GNPNAT1: variants seen among roughly 807,000 people sequenced by gnomAD.
GNPNAT1 encodes the protein glucosamine-phosphate N-acetyltransferase 1.
GNPNAT1 carries 11 observed loss-of-function variants against 19.8 expected under a neutral mutation model. The observed-to-expected ratio is 0.56, with a 90% CI of 0.35 to 0.92. The LOEUF is 0.92. GNPNAT1 is among the 40% of genes least tolerant of loss of function. The pLI, the probability that GNPNAT1 is intolerant of heterozygous loss-of-function variation, is 0.01. For missense variants in GNPNAT1, 157 were observed against 211.0 expected (o/e 0.74, Z 1.59); for synonymous variants, 71 against 72.3 (o/e 0.98, Z 0.09).
Position 52,776,700 on chromosome 14 carries a change from C to T in GNPNAT1, c.*1611G>A, listed in dbSNP as rs147604994. 2.7e-4 allele frequency: 41 copies of T among 152,272 alleles called. No individual in the cohort carries two copies. Among genetic ancestry groups the T allele is most frequent in the Middle Eastern group, 3.4e-3 (1 of 294 alleles). 9.4% of individuals were successfully genotyped at this position (152,272 alleles called of 1,614,324 possible). A position where few individuals can be genotyped will look rare whatever the true frequency, so the allele number is the denominator to read the frequency against. ...CTTCCTGAGTAGCTGGGATTACAGG[C>T]GCATGCCACCACGTCTGGCTAATTT... On this transcript the variant is annotated 3_prime_UTR_variant, in exon 6 of 6. Coordinates refer to ENST00000216410, the MANE Select transcript of GNPNAT1 (RefSeq NM_198066.4).
At chr14:52,780,332 A>C (rs1385125488) in intron 5 of GNPNAT1, among the ~76,000 whole-genome samples, 1 of 152,184 alleles carries the variant, frequency 6.6e-6, no homozygotes, top group African/African-American at 2.4e-5. Context: ...AGATCACAGA[A>C]TATTCTGTAA....
rs1490132157 is a variant in GNPNAT1, at chr14:52,777,650, C to T, written c.*661G>A. ...GAATAGTCATAATTCACAGAAAAGACAAGTGGTACTTTTTATCTACATAGA... is the reference window on the plus strand; with the variant it reads ...GAATAGTCATAATTCACAGAAAAGATAAGTGGTACTTTTTATCTACATAGA... On this transcript the variant is annotated 3_prime_UTR_variant, in exon 6 of 6. Coordinates refer to ENST00000216410, the MANE Select transcript of GNPNAT1 (RefSeq NM_198066.4). 2 of 152,270 alleles carry T rather than the reference C, an allele frequency of 1.3e-5. No individual in the cohort carries two copies. The highest frequency in any genetic ancestry group is 2.9e-5 in the Non-Finnish European group (2 of 67,994). The allele number at this position is 152,270 out of a possible 1,614,324, so 9.4% of individuals were successfully genotyped here. A position where few individuals can be genotyped will look rare whatever the true frequency, so the allele number is the denominator to read the frequency against.
At chr14:52,788,092 G>A (rs1259375785) in intron 1 of GNPNAT1, among the ~76,000 whole-genome samples, 1 of 152,092 alleles carries the variant, frequency 6.6e-6, no homozygotes, top group Non-Finnish European at 1.5e-5. Flanking sequence ...AATTTAACAA[G>A]TTTAATAGCC....
chr14:52,784,566 C>A lies in GNPNAT1; in HGVS notation c.85G>T (p.Ala29Ser). 1 of 1,610,050 alleles carries A rather than the reference C, an allele frequency of 6.2e-7. No individual in the cohort carries two copies. The highest frequency in any genetic ancestry group is 8.5e-7 in the Non-Finnish European group (1 of 1,178,238). ...WSQNTATFSP[A>S]ISPTHPGEGL... ...TCTCCAGGATGTGTTGGGGAAATGG[C>A]TGGAGAAAATGTAGCTGTATTCTGA... The change falls in exon 2 of 6, where the codon GCC becomes TCC. Residue 29 changes from alanine (A) to serine (S), a missense_variant. Transcript: ENST00000216410.
At chr14:52,785,116 C>T (rs1460354098) in intron 1 of GNPNAT1, among the ~76,000 whole-genome samples, 2 of 151,496 alleles carry the variant, frequency 1.3e-5, no homozygotes, top group Non-Finnish European at 2.9e-5. Context: ...TTAATAGAGA[C>T]GGGATTTCGC....
chr14:52,790,317 G>A (rs1245619516), intron 1 of GNPNAT1, among the ~76,000 whole-genome samples: 1 of 152,140 alleles, frequency 6.6e-6, no homozygotes, highest in African/African-American at 2.4e-5. Context: ...AGCTCCTGGG[G>A]AACCTTCTAA....
intron 5 of GNPNAT1, among the ~76,000 whole-genome samples, chr14:52,780,043 C>T (rs1022445714): frequency 1.3e-5 from 2 of 151,934 alleles, no homozygotes; most frequent in Non-Finnish European, 2.9e-5. Context: ...GTGGCGTGTA[C>T]CTGTAGTCCC....
Position 52,776,992 on chromosome 14 carries a change from T to C in GNPNAT1, c.*1319A>G, listed in dbSNP as rs1882747000. 6.6e-6 allele frequency: 1 copy of C among 152,258 alleles called. No individual in the cohort carries two copies. Among genetic ancestry groups the C allele is most frequent in the Non-Finnish European group, 1.5e-5 (1 of 68,048 alleles). 9.4% of individuals were successfully genotyped at this position (152,258 alleles called of 1,614,324 possible). ...GTTTCACGAAGGACAGATCAGTTCG[T>C]CTGTATAGGCTATAAGCAGGTAAGT... On this transcript the variant is annotated 3_prime_UTR_variant, in exon 6 of 6. Transcript: ENST00000216410.
Position 52,778,257 on chromosome 14 carries a change from G to C in GNPNAT1, c.*54C>G, listed in dbSNP as rs575045177. On this transcript the variant is annotated 3_prime_UTR_variant, in exon 6 of 6. Coordinates refer to ENST00000216410, the MANE Select transcript of GNPNAT1 (RefSeq NM_198066.4). Reference sequence around the variant, plus strand: ...GCAGCAACAAAATATTTCAACTCTAGGAAGAGTGTAGCCTTGTAGCATTAG... The same window carrying C: ...GCAGCAACAAAATATTTCAACTCTACGAAGAGTGTAGCCTTGTAGCATTAG... 19 of 1,361,878 alleles carry C rather than the reference G, an allele frequency of 1.4e-5. No homozygotes were observed. The highest frequency in any genetic ancestry group is 2.7e-4 in the Middle Eastern group (1 of 3,700). 84.4% of individuals were successfully genotyped at this position (1,361,878 alleles called of 1,614,324 possible).
chr14:52,782,740 G>A (rs1230288423), intron 3 of GNPNAT1, among the ~76,000 whole-genome samples: 1 of 151,988 alleles, frequency 6.6e-6, no homozygotes, highest in Non-Finnish European at 1.5e-5. Flanking sequence ...CTCATTCTCA[G>A]GAGGGTCAAA....
chr14:52,782,164 AAC>A (rs1259877435), intron 3 of GNPNAT1, among the ~76,000 whole-genome samples: 1 of 152,116 alleles, frequency 6.6e-6, no homozygotes, highest in Non-Finnish European at 1.5e-5. Flanking sequence ...TTAGATGAAC[AAC>A]ACTTAAAATA....
At chr14:52,781,612 C>A in intron 4 of GNPNAT1, 172 bp downstream of exon 4, 1 of 529,726 alleles carries the variant, frequency 1.9e-6, no homozygotes, top group Non-Finnish European at 3.2e-6. Context: ...ACAATTTTAG[C>A]ATACAATTCA....
intron 2 of GNPNAT1, 66 bp from the exon 3 acceptor site, chr14:52,783,551 A>C: frequency 9.5e-7 from 1 of 1,053,484 alleles, no homozygotes; most frequent in Non-Finnish European, 1.5e-6. Flanking sequence ...AAAATAAGCA[A>C]TATATTAAGC....
At chr14:52,778,738 C>G (rs1164750951) in intron 5 of GNPNAT1, among the ~76,000 whole-genome samples, 1 of 152,068 alleles carries the variant, frequency 6.6e-6, no homozygotes, top group African/African-American at 2.4e-5. Flanking sequence ...AAATTTAAGG[C>G]TAGGTGCAGT....
At chr14:52,785,780 T>C (rs1883002185) in intron 1 of GNPNAT1, among the ~76,000 whole-genome samples, 1 of 148,112 alleles carries the variant, frequency 6.8e-6, no homozygotes, top group Admixed American at 6.7e-5. Flanking sequence ...GGAGTTTCGC[T>C]CTTATTGCCC....
At position 52,777,341 on chromosome 14, in the gene GNPNAT1, TTAAA is replaced by T. The variant is rs1882759214; in HGVS notation, c.*966_*969del. ...TATTTAATTCTTCAACTTTAAAAAA[TTAAA>T]TAAAATCAAAATAGGATAATGACCA... On this transcript the variant is annotated 3_prime_UTR_variant, in exon 6 of 6. Coordinates refer to ENST00000216410, the MANE Select transcript of GNPNAT1 (RefSeq NM_198066.4). 6.6e-6 allele frequency: 1 copy of T among 152,502 alleles called. No homozygotes were observed. Among genetic ancestry groups the T allele is most frequent in the Non-Finnish European group, 1.5e-5 (1 of 67,998 alleles). 9.4% of individuals were successfully genotyped at this position (152,502 alleles called of 1,614,324 possible). A position where few individuals can be genotyped will look rare whatever the true frequency, so the allele number is the denominator to read the frequency against.
At chr14:52,786,469 G>C (rs1241547144) in intron 1 of GNPNAT1, among the ~76,000 whole-genome samples, 2 of 151,926 alleles carry the variant, frequency 1.3e-5, no homozygotes, top group African/African-American at 2.4e-5. Context: ...ACACCATTGC[G>C]TTCCAGCCTG....
intron 1 of GNPNAT1, among the ~76,000 whole-genome samples, chr14:52,787,186 A>G (rs1384885265): frequency 6.6e-6 from 1 of 152,062 alleles, no homozygotes; most frequent in Non-Finnish European, 1.5e-5. Flanking sequence ...TAAAGAAACC[A>G]TATTTTAATG....
chr14:52,790,804 A>C (rs1455262252), intron 1 of GNPNAT1, among the ~76,000 whole-genome samples: 1 of 152,228 alleles, frequency 6.6e-6, no homozygotes, highest in Non-Finnish European at 1.5e-5. Flanking sequence ...CGCCCGTTCA[A>C]TTTTGTATGA....
Sources: allele counts gnomAD v4.1 joint callset (sites outside exome capture counted in the v4.1 genomes callset), GRCh38; gene constraint gnomAD v4.1.1; transcripts MANE v1.5; gene names NCBI Gene and HGNC (gene_info 2026-07-23, HGNC 2026-07-21).